NCALD: variants seen among roughly 807,000 people sequenced by gnomAD.
The protein encoded by NCALD is neurocalcin-delta.
NCALD carries 10 observed loss-of-function variants against 18.6 expected under a neutral mutation model. The observed-to-expected ratio is 0.54, with a 90% CI of 0.33 to 0.91. NCALD has a LOEUF of 0.91. Among genes scored for constraint, NCALD ranks in the 40% least tolerant of loss-of-function variants. The probability of loss-of-function intolerance (pLI) is 0.03; values close to 1 mark genes in which losing one functional copy is unlikely to be tolerated. For missense variants in NCALD, 184 were observed against 247.6 expected (o/e 0.74, Z 1.72); for synonymous variants, 88 against 87.4 (o/e 1.01, Z -0.04).
At chr8:101,941,074 T>G (rs1818938744) in intron 2 of NCALD, among the ~76,000 whole-genome samples, 1 of 152,188 alleles carries the variant, frequency 6.6e-6, no homozygotes, top group Non-Finnish European at 1.5e-5. Context: ...AGACATTTCA[T>G]CAGATAAATT....
chr8:101,823,099 C>T (rs895394471), intron 4 of NCALD, among the ~76,000 whole-genome samples: 7 of 152,142 alleles, frequency 4.6e-5, no homozygotes, highest in African/African-American at 1.7e-4. Context: ...TAATACTTTG[C>T]ATTTATGTAG....
chr8:101,868,735 T>C (rs1159376152), intron 4 of NCALD, among the ~76,000 whole-genome samples: 1 of 152,104 alleles, frequency 6.6e-6, no homozygotes, highest in Admixed American at 6.5e-5. Flanking sequence ...TTGCATGGGG[T>C]ATATGCCAAG....
At chr8:101,957,682 G>C (rs1819687322) in intron 2 of NCALD, among the ~76,000 whole-genome samples, 1 of 152,186 alleles carries the variant, frequency 6.6e-6, no homozygotes, top group African/African-American at 2.4e-5. Context: ...TCAGTCAGGA[G>C]TCCAATGCTA....
chr8:101,736,604 C>G lies in NCALD; in HGVS notation c.-19-16956G>C, dbSNP rs1289087469. Among the ~76,000 whole-genome samples the G allele has an allele frequency of 1.2e-4, 18 of 152,138 alleles. 1 individual carries two copies. Among genetic ancestry groups the G allele is most frequent in the Admixed American group, 1.2e-3 (18 of 15,268 alleles). On this transcript the variant is annotated intron_variant, in intron 1 of 3. Coordinates refer to ENST00000220931, the MANE Select transcript of NCALD (RefSeq NM_032041.3). Reference sequence around the variant, plus strand: ...TCCGACAAAAACACCACTTTCCAGGCCCAGCCAATAGGATACCCCGTGGTG... The same window carrying G: ...TCCGACAAAAACACCACTTTCCAGGGCCAGCCAATAGGATACCCCGTGGTG...
At chr8:102,114,295 A>T (rs971752048) in intron 1 of NCALD, among the ~76,000 whole-genome samples, 5 of 152,230 alleles carry the variant, frequency 3.3e-5, no homozygotes, top group Non-Finnish European at 7.3e-5. Context: ...TATCACAGCC[A>T]TCAGCTTCTC....
chr8:102,101,127 A>G (rs533390), intron 1 of NCALD, among the ~76,000 whole-genome samples: 83,806 of 152,106 alleles, frequency 0.55, 24,003 homozygotes, highest in Non-Finnish European at 0.64. Context: ...AGGCAGACAT[A>G]TGGGCACGTG....
chr8:101,705,372 TG>T (rs1381621571), intron 2 of NCALD, among the ~76,000 whole-genome samples: 1 of 152,146 alleles, frequency 6.6e-6, no homozygotes, highest in Non-Finnish European at 1.5e-5. Context: ...CTGGCATCAG[TG>T]GGGAAAACCG....
chr8:101,925,901 A>G (rs1563902366), intron 2 of NCALD, among the ~76,000 whole-genome samples: 2 of 152,196 alleles, frequency 1.3e-5, no homozygotes, highest in African/African-American at 2.4e-5. Context: ...TTAAATGTTG[A>G]TAAGTAAGAA....
chr8:101,693,371 T>A (rs955174926), intron 2 of NCALD: 1 of 141,726 alleles, frequency 7.1e-6, no homozygotes, highest in African/African-American at 2.6e-5. Flanking sequence ...CAAGGTCTCA[T>A]TATGTTGCCC....
intron 1 of NCALD, among the ~76,000 whole-genome samples, chr8:101,762,841 G>A (rs1167346204): frequency 1.3e-5 from 2 of 152,082 alleles, no homozygotes; most frequent in Non-Finnish European, 1.5e-5. Context: ...CAAAGTGCTG[G>A]GATTACAGGC....
chr8:101,687,301 C>T lies in NCALD; in HGVS notation c.*2008G>A, dbSNP rs1265515686. ...AGTGGGATGCAGCTCCTGAGCACTGCCAATAGGGCATGCTAGGTCTCCTCA... is the reference window on the plus strand; with the variant it reads ...AGTGGGATGCAGCTCCTGAGCACTGTCAATAGGGCATGCTAGGTCTCCTCA... On this transcript the variant is annotated 3_prime_UTR_variant, in exon 4 of 4. Coordinates refer to ENST00000220931, the MANE Select transcript of NCALD (RefSeq NM_032041.3). The T allele has an allele frequency of 1.3e-5, 2 of 152,688 alleles. No individual in the cohort carries two copies. The highest frequency in any genetic ancestry group is 2.9e-5 in the Non-Finnish European group (2 of 68,054). The allele number at this position is 152,688 out of a possible 1,614,324, so 9.5% of individuals were successfully genotyped here. A position where few individuals can be genotyped will look rare whatever the true frequency, so the allele number is the denominator to read the frequency against.
At chr8:102,027,153 A>G (rs1156946056) in intron 1 of NCALD, among the ~76,000 whole-genome samples, 2 of 152,112 alleles carry the variant, frequency 1.3e-5, no homozygotes, top group African/African-American at 2.4e-5. Flanking sequence ...CCATGGAGAC[A>G]TTTCCCCATT....
At chr8:101,735,226 C>T (rs1490276782) in intron 1 of NCALD, among the ~76,000 whole-genome samples, 1 of 152,068 alleles carries the variant, frequency 6.6e-6, no homozygotes, top group Non-Finnish European at 1.5e-5. Context: ...CACAGGGAGC[C>T]GATCTATTAA....
At chr8:101,833,441 G>C (rs1039331809) in intron 4 of NCALD, among the ~76,000 whole-genome samples, 2 of 152,268 alleles carry the variant, frequency 1.3e-5, no homozygotes, top group Middle Eastern at 3.4e-3. Flanking sequence ...GAACATCTAA[G>C]TTTTGAAGTC....
intron 1 of NCALD, among the ~76,000 whole-genome samples, chr8:102,034,428 T>C (rs905045319): frequency 6.6e-6 from 1 of 152,170 alleles, no homozygotes; most frequent in Admixed American, 6.5e-5. Context: ...ATCAAGTTTA[T>C]ATATGGGTGG....
intron 1 of NCALD, among the ~76,000 whole-genome samples, chr8:101,724,728 A>G (rs1816499192): frequency 6.6e-6 from 1 of 152,240 alleles, no homozygotes; most frequent in Non-Finnish European, 1.5e-5. Context: ...TCATAAGCAA[A>G]TAAATGAAAA....
intron 2 of NCALD, among the ~76,000 whole-genome samples, chr8:101,988,938 G>A (rs537453649): frequency 2.0e-5 from 3 of 149,866 alleles, no homozygotes; most frequent in African/African-American, 7.4e-5. Context: ...AGAAGCCAGT[G>A]AGAGGTGAGA....
intron 2 of NCALD, among the ~76,000 whole-genome samples, chr8:101,982,692 T>A (rs1289253105): frequency 2.0e-5 from 3 of 151,912 alleles, no homozygotes; most frequent in Non-Finnish European, 4.4e-5. Context: ...TACAAAAAAA[T>A]TAGCTGGGTG....
At chr8:101,750,727 G>C (rs1810619397) in intron 1 of NCALD, 1 of 152,306 alleles carries the variant, frequency 6.6e-6, no homozygotes, top group African/African-American at 2.4e-5. Flanking sequence ...GGAGCTTTCT[G>C]TCAGACTCTC....
Sources: allele counts gnomAD v4.1 joint callset (sites outside exome capture counted in the v4.1 genomes callset), GRCh38; gene constraint gnomAD v4.1.1; transcripts MANE v1.5; gene names NCBI Gene and HGNC (gene_info 2026-07-23, HGNC 2026-07-21).